Variants in ST6GALNAC3 observed in about 807,000 individuals in gnomAD.
ST6GALNAC3 encodes alpha-N-acetylgalactosaminide alpha-2,6-sialyltransferase 3.
ST6GALNAC3 carries 25 observed loss-of-function variants against 32.7 expected under a neutral mutation model. The observed-to-expected ratio is 0.76, with a 90% CI of 0.56 to 1.07. ST6GALNAC3 has a LOEUF of 1.07. ST6GALNAC3 is among the 50% of genes least tolerant of loss of function. The pLI is 0.00. For synonymous variants in ST6GALNAC3, 129 were observed against 133.1 expected, an observed-to-expected ratio of 0.97 and a Z score of 0.21; for missense variants, 355 against 382.4, an observed-to-expected ratio of 0.93 and a Z score of 0.60.
At chr1:76,497,377 T>C (rs1052884832) in intron 3 of ST6GALNAC3, among the ~76,000 whole-genome samples, 2 of 152,094 alleles carry the variant, frequency 1.3e-5, no homozygotes, top group Non-Finnish European at 2.9e-5. Context: ...AAGAGAGCTC[T>C]GGAAGAGCCA....
At chr1:76,408,675 G>A (rs1318794226) in intron 2 of ST6GALNAC3, among the ~76,000 whole-genome samples, 1 of 152,056 alleles carries the variant, frequency 6.6e-6, no homozygotes, top group African/African-American at 2.4e-5. Flanking sequence ...CCTTGTTACA[G>A]CAAAACTGGC....
At chr1:76,189,871 G>A (rs1430795092) in intron 1 of ST6GALNAC3, among the ~76,000 whole-genome samples, 1 of 152,140 alleles carries the variant, frequency 6.6e-6, no homozygotes, top group Non-Finnish European at 1.5e-5. Context: ...AAGAATCTCT[G>A]AGGGCCATTA....
rs116453566 is a variant in ST6GALNAC3 at position 76,235,189 on chromosome 1, C to T, written c.19-78616C>T. 4.0e-3 allele frequency among the ~76,000 whole-genome samples: 605 copies of T among 152,270 alleles called. 5 individuals are homozygous for T. The highest frequency in any genetic ancestry group is 0.014 in the African/African-American group (583 of 41,540). On this transcript the variant is annotated intron_variant, in intron 1 of 4. Transcript: ENST00000328299. ...CTCCCCAAATTTTAGCACCCAAAAG[C>T]ATACATGTGAGTGTCAAGTGCTAAC...
intron 3 of ST6GALNAC3, among the ~76,000 whole-genome samples, chr1:76,419,386 C>T (rs1380496479): frequency 1.3e-5 from 2 of 152,064 alleles, no homozygotes; most frequent in Non-Finnish European, 2.9e-5. Context: ...AACTCAAAGG[C>T]AAAAGTAGGC....
intron 1 of ST6GALNAC3, among the ~76,000 whole-genome samples, chr1:76,086,770 T>C (rs1211777276): frequency 1.3e-5 from 2 of 152,218 alleles, no homozygotes; most frequent in Non-Finnish European, 2.9e-5. Flanking sequence ...ATCATTGCTA[T>C]GCCTGATATA....
At chr1:76,187,186 A>G (rs1277797135) in intron 1 of ST6GALNAC3, among the ~76,000 whole-genome samples, 2 of 152,244 alleles carry the variant, frequency 1.3e-5, no homozygotes, top group Admixed American at 1.3e-4. Context: ...TGGCATTGAA[A>G]TAAATTACTG....
rs374641082 is a variant in ST6GALNAC3, at chr1:76,463,464, T to C, written c.623+51047T>C. Among the ~76,000 whole-genome samples, 29 of 152,302 alleles carry C rather than the reference T, an allele frequency of 1.9e-4. No homozygotes were observed. In the East Asian group the frequency reaches 5.4e-3, roughly 28 times the overall value. ...CTTTGTCTATTTTCGTATTTCTCTA[T>C]GACTCTGCAGAGCCAAGCTTTTGAT... On this transcript the variant is annotated intron_variant, in intron 3 of 4. Coordinates refer to ENST00000328299, the MANE Select transcript of ST6GALNAC3 (RefSeq NM_152996.4).
At chr1:76,345,594 G>C (rs184812804) in intron 2 of ST6GALNAC3, among the ~76,000 whole-genome samples, 1 of 152,148 alleles carries the variant, frequency 6.6e-6, no homozygotes, top group East Asian at 1.9e-4. Context: ...ACACAATAAA[G>C]TTTAGTAAAC....
intron 2 of ST6GALNAC3, among the ~76,000 whole-genome samples, chr1:76,372,286 A>G (rs938689263): frequency 1.3e-5 from 2 of 151,964 alleles, no homozygotes; most frequent in African/African-American, 4.8e-5. Context: ...TTTAATGTAA[A>G]TTTTTATTTT....
At chr1:76,082,499 A>C (rs1646910424) in intron 1 of ST6GALNAC3, among the ~76,000 whole-genome samples, 1 of 152,198 alleles carries the variant, frequency 6.6e-6, no homozygotes, top group Non-Finnish European at 1.5e-5. Context: ...GTTTGTCAGC[A>C]GGAGAGTGGG....
chr1:76,188,761 C>T (rs1362397396), intron 1 of ST6GALNAC3, among the ~76,000 whole-genome samples: 1 of 152,194 alleles, frequency 6.6e-6, no homozygotes, highest in Non-Finnish European at 1.5e-5. Context: ...TATTCATTAA[C>T]TGCCAGTGGA....
intron 3 of ST6GALNAC3, 90 bp downstream of exon 3, chr1:76,412,507 G>T (rs570617248): frequency 1.5e-6 from 2 of 1,321,162 alleles, no homozygotes; most frequent in African/African-American, 3.0e-5. Context: ...AAAATGAACA[G>T]TTATTTATTT....
At chr1:76,282,911 C>T (rs1013621723) in intron 1 of ST6GALNAC3, among the ~76,000 whole-genome samples, 68 of 151,616 alleles carry the variant, frequency 4.5e-4, no homozygotes, top group Non-Finnish European at 9.1e-4. Context: ...TGGTGGCACA[C>T]ACCTGTAATC....
chr1:76,304,860 C>T (rs1367914900), intron 1 of ST6GALNAC3, among the ~76,000 whole-genome samples: 2 of 152,044 alleles, frequency 1.3e-5, no homozygotes, highest in East Asian at 3.9e-4. Context: ...GTCCTGAACA[C>T]CTTGGAGGTA....
At chr1:76,306,019 G>A in intron 1 of ST6GALNAC3, 2 of 441,048 alleles carry the variant, frequency 4.5e-6, no homozygotes, top group Non-Finnish European at 9.1e-6. Context: ...ACTGGTACCA[G>A]CCTTAGGTAG....
At chr1:76,615,318 G>T (rs933428330) in intron 3 of ST6GALNAC3, among the ~76,000 whole-genome samples, 2 of 152,082 alleles carry the variant, frequency 1.3e-5, no homozygotes, top group African/African-American at 4.8e-5. Context: ...CCTGATTACA[G>T]GCCCTTAAGA....
At chr1:76,151,629 G>C (rs1177897974) in intron 1 of ST6GALNAC3, among the ~76,000 whole-genome samples, 1 of 152,226 alleles carries the variant, frequency 6.6e-6, no homozygotes, top group Non-Finnish European at 1.5e-5. Flanking sequence ...GTCTGGGAAA[G>C]AGTGTAGCAC....
intron 1 of ST6GALNAC3, among the ~76,000 whole-genome samples, chr1:76,141,034 G>A (rs184050266): frequency 2.9e-4 from 44 of 152,018 alleles, no homozygotes; most frequent in African/African-American, 9.6e-4. Flanking sequence ...GATGAAAGAC[G>A]GAATGGACGG....
At chr1:76,311,695 G>A (rs942605583) in intron 1 of ST6GALNAC3, among the ~76,000 whole-genome samples, 2 of 152,136 alleles carry the variant, frequency 1.3e-5, no homozygotes, top group African/African-American at 4.8e-5. Context: ...GGGCATTTGG[G>A]TTGGTTCCAA....
Sources: allele counts gnomAD v4.1 joint callset (sites outside exome capture counted in the v4.1 genomes callset), GRCh38; gene constraint gnomAD v4.1.1; transcripts MANE v1.5; gene names NCBI Gene and HGNC (gene_info 2026-07-23, HGNC 2026-07-21).